The following NCAM1 variants were observed in gnomAD, a reference collection of about 807,000 sequenced individuals.
NCAM1 encodes the protein antigen recognized by monoclonal antibody 5.1H11.
In NCAM1, 14 loss-of-function variants were observed where a neutral mutation model predicts 109.8. That is an observed-to-expected ratio of 0.13 (90% confidence interval 0.08 to 0.20). The LOEUF (loss-of-function observed/expected upper bound fraction) is 0.20, where lower values mean the gene tolerates loss of function less well. Ranked by LOEUF, NCAM1 falls within the 10% of genes least tolerant of loss-of-function variation. NCAM1 has a pLI of 1.00. For synonymous variants in NCAM1, 418 were observed against 442.9 expected, an observed-to-expected ratio of 0.94 and a Z score of 0.70; for missense variants, 774 against 1,109.9, an observed-to-expected ratio of 0.70 and a Z score of 4.30.
chr11:113,209,062 G>A (rs114064403), intron 7 of NCAM1, among the ~76,000 whole-genome samples: 13 of 152,288 alleles, frequency 8.5e-5, no homozygotes, highest in Middle Eastern at 3.4e-3. Context: ...GCAGAGAAAC[G>A]TTTAACCTAA....
intron 1 of NCAM1, among the ~76,000 whole-genome samples, chr11:113,093,449 C>T (rs1555089746): frequency 6.6e-6 from 1 of 152,066 alleles, no homozygotes; most frequent in South Asian, 2.1e-4. Flanking sequence ...TATTCTCAAA[C>T]GTAGTTCACA....
At chr11:113,208,388 C>T (rs1453986082) in intron 7 of NCAM1, among the ~76,000 whole-genome samples, 2 of 152,124 alleles carry the variant, frequency 1.3e-5, no homozygotes, top group African/African-American at 4.8e-5. Context: ...CTTCTCCAGC[C>T]TCATCTTTCT....
chr11:113,205,911 C>T (rs182204242), intron 4 of NCAM1, 132 bp from the exon 5 acceptor site: 243 of 1,192,474 alleles, frequency 2.0e-4, no homozygotes, highest in East Asian at 9.2e-4. Flanking sequence ...AAGCCAGGGA[C>T]GCATTTTCTT....
chr11:113,171,888 C>G (rs1943007072), intron 1 of NCAM1, among the ~76,000 whole-genome samples: 1 of 152,238 alleles, frequency 6.6e-6, no homozygotes, highest in South Asian at 2.1e-4. Flanking sequence ...AGGTGAAGTT[C>G]TACTGGAATA....
Position 113,165,756 on chromosome 11 carries a change from GCT to G in NCAM1, c.53-36617_53-36616del, listed in dbSNP as rs569521256. Among the ~76,000 whole-genome samples the G allele has an allele frequency of 3.0e-4, 45 of 151,934 alleles. No individual in the cohort carries two copies. In the South Asian group the frequency reaches 5.4e-3, roughly 18 times the overall value. ...CCCAGTGTAGAGAAGACCACCACTG[GCT>G]CTCTCCTGGCTTCTCGCCTGGTCCG... On this transcript the variant is annotated intron_variant, in intron 1 of 19. Coordinates refer to ENST00000316851, the MANE Select transcript of NCAM1 (RefSeq NM_181351.5).
intron 1 of NCAM1, among the ~76,000 whole-genome samples, chr11:113,111,049 G>A (rs1432465688): frequency 6.6e-6 from 1 of 152,198 alleles, no homozygotes; most frequent in African/African-American, 2.4e-5. Context: ...GAATCTAAAA[G>A]ATGATAAATA....
chr11:113,135,906 T>C (rs1202847621), intron 1 of NCAM1, among the ~76,000 whole-genome samples: 1 of 152,238 alleles, frequency 6.6e-6, no homozygotes, highest in Non-Finnish European at 1.5e-5. Context: ...GTATCATTGA[T>C]AAAATGCAAG....
At chr11:113,160,332 G>C (rs1942559831) in intron 1 of NCAM1, among the ~76,000 whole-genome samples, 1 of 152,148 alleles carries the variant, frequency 6.6e-6, no homozygotes, top group South Asian at 2.1e-4. Flanking sequence ...CTTTAGTTCT[G>C]CTTCGCTCCA....
intron 1 of NCAM1, among the ~76,000 whole-genome samples, chr11:113,073,559 T>C (rs1391905262): frequency 6.6e-6 from 1 of 152,260 alleles, no homozygotes; most frequent in Non-Finnish European, 1.5e-5. Context: ...TACTGGATGA[T>C]GTTTCTCAAT....
intron 1 of NCAM1, among the ~76,000 whole-genome samples, chr11:113,098,169 C>T (rs563196683): frequency 6.6e-6 from 1 of 152,200 alleles, no homozygotes; most frequent in South Asian, 2.1e-4. Flanking sequence ...GACACAGGTA[C>T]TTGGTCTCAT....
At chr11:113,137,270 A>G (rs1260012602) in intron 1 of NCAM1, among the ~76,000 whole-genome samples, 2 of 152,348 alleles carry the variant, frequency 1.3e-5, no homozygotes, top group African/African-American at 4.8e-5. Context: ...TATGTTCTCC[A>G]TGTTATCTGG....
At chr11:113,103,332 G>C (rs1291174054) in intron 1 of NCAM1, among the ~76,000 whole-genome samples, 2 of 152,204 alleles carry the variant, frequency 1.3e-5, no homozygotes, top group African/African-American at 4.8e-5. Flanking sequence ...GCTAAATGGA[G>C]TGATTTGAAA....
chr11:113,113,767 TAAA>T (rs71060287), intron 1 of NCAM1, among the ~76,000 whole-genome samples: 14 of 150,540 alleles, frequency 9.3e-5, no homozygotes, highest in South Asian at 2.1e-4. Context: ...CAGGTTCTTT[TAAA>T]AAAAAAAAAA....
chr11:113,121,283 T>A (rs1555095996), intron 1 of NCAM1, among the ~76,000 whole-genome samples: 8 of 148,512 alleles, frequency 5.4e-5, no homozygotes, highest in Non-Finnish European at 1.2e-4. Flanking sequence ...TGCAGTGATA[T>A]GAGCTCGGCT....
At chr11:113,269,479 C>T (rs925644703) in intron 17 of NCAM1, 2 of 152,782 alleles carry the variant, frequency 1.3e-5, no homozygotes, top group Non-Finnish European at 2.9e-5. Context: ...TCCAAGCAGG[C>T]CTGAGCTCCT....
intron 17 of NCAM1, among the ~76,000 whole-genome samples, chr11:113,268,088 G>C (rs1280318235): frequency 1.3e-5 from 2 of 152,212 alleles, no homozygotes; most frequent in Non-Finnish European, 1.5e-5. Flanking sequence ...TCATGGAATG[G>C]AGAGAAAACC....
chr11:113,265,180 A>G (rs964770045), intron 17 of NCAM1: 5 of 984,896 alleles, frequency 5.1e-6, no homozygotes, highest in Non-Finnish European at 6.0e-6. Flanking sequence ...TATTAAAGGA[A>G]ATAACAGTTC....
chr11:113,265,991 ATCT>A (rs1235195490), intron 17 of NCAM1, among the ~76,000 whole-genome samples: 1 of 152,040 alleles, frequency 6.6e-6, no homozygotes, highest in Admixed American at 6.5e-5. Context: ...CACCTTCATA[ATCT>A]CCCTGTCCTG....
At chr11:112,973,962 G>T (rs1186392572) in intron 1 of NCAM1, among the ~76,000 whole-genome samples, 1 of 151,982 alleles carries the variant, frequency 6.6e-6, no homozygotes, top group Non-Finnish European at 1.5e-5. Flanking sequence ...AATTAAAAGT[G>T]GTTTATCTAG....
Sources: gnomAD v4.1 joint callset for allele counts (sites outside exome capture counted in the v4.1 genomes callset) on GRCh38, gnomAD v4.1.1 for gene constraint, MANE v1.5 for transcripts, NCBI Gene and HGNC (gene_info 2026-07-23, HGNC 2026-07-21) for gene names.